The following RARB variants were observed in gnomAD, a reference collection of about 807,000 sequenced individuals.
The protein encoded by RARB is retinoic acid receptor beta.
Under a neutral mutation model 51.9 loss-of-function variants are expected in RARB, and 17 were observed. The observed-to-expected ratio is 0.33, with a 90% CI of 0.22 to 0.49. The LOEUF is 0.49. RARB is among the 20% of genes least tolerant of loss of function. The probability of loss-of-function intolerance (pLI) is 0.99; values close to 1 mark genes in which losing one functional copy is unlikely to be tolerated. For synonymous variants in RARB, 215 were observed against 195.4 expected, an observed-to-expected ratio of 1.10 and a Z score of -0.84; for missense variants, 369 against 550.8, an observed-to-expected ratio of 0.67 and a Z score of 3.30.
intron 2 of RARB, among the ~76,000 whole-genome samples, chr3:25,477,654 T>G (rs1213966803): frequency 6.6e-6 from 1 of 152,222 alleles, no homozygotes; most frequent in Non-Finnish European, 1.5e-5. Flanking sequence ...TGGAATCCCT[T>G]CTCCCTTAGG....
intron 5 of RARB, among the ~76,000 whole-genome samples, chr3:25,191,865 A>G (rs1347198781): frequency 6.6e-6 from 1 of 152,164 alleles, no homozygotes; most frequent in Non-Finnish European, 1.5e-5. Flanking sequence ...CTGATTACAT[A>G]GTCAAGGAAT....
intron 2 of RARB, among the ~76,000 whole-genome samples, chr3:25,479,409 A>C (rs543297611): frequency 6.6e-6 from 1 of 152,204 alleles, no homozygotes; most frequent in Non-Finnish European, 1.5e-5. Context: ...GTCTCTGACC[A>C]TGAATTTTAT....
intron 2 of RARB, among the ~76,000 whole-genome samples, chr3:24,988,809 TTTG>T (rs1480806148): frequency 6.6e-6 from 1 of 152,070 alleles, no homozygotes; most frequent in Non-Finnish European, 1.5e-5. Context: ...CCACTTATTA[TTTG>T]TTATTATTTT....
intron 4 of RARB, among the ~76,000 whole-genome samples, chr3:25,139,435 A>C (rs192001048): frequency 2.2e-3 from 340 of 152,316 alleles, no homozygotes; most frequent in Non-Finnish European, 3.5e-3. Flanking sequence ...AGTGGTGTGG[A>C]TAGAAGATCA....
chr3:25,511,217 C>T (rs1363803111), intron 3 of RARB, among the ~76,000 whole-genome samples: 1 of 152,082 alleles, frequency 6.6e-6, no homozygotes, highest in Non-Finnish European at 1.5e-5. Flanking sequence ...ACTGCAAGCT[C>T]CGCCTCCTGG....
At chr3:25,117,975 T>A (rs1273573010) in intron 3 of RARB, among the ~76,000 whole-genome samples, 2 of 152,148 alleles carry the variant, frequency 1.3e-5, no homozygotes. Flanking sequence ...CACTGAAGTC[T>A]TATCTCCTTT....
At position 25,477,684 on chromosome 3, in the gene RARB, C is replaced by T; in HGVS notation, c.306+16343C>T. ...CTTAGGGTTTAACTTCTAGAATAAG[C>T]ATATGAGGTAAATATTGTATATGGT... On this transcript the variant is annotated intron_variant, in intron 2 of 7. Coordinates refer to ENST00000330688, the MANE Select transcript of RARB (RefSeq NM_000965.5). 1.3e-5 allele frequency among the ~76,000 whole-genome samples: 2 copies of T among 152,132 alleles called. 1 individual carries two copies. The highest frequency in any genetic ancestry group is 2.9e-5 in the Non-Finnish European group (2 of 68,022).
chr3:24,829,355 C>T (rs1050651386), exon 1 of RARB, among the ~76,000 whole-genome samples: 3 of 151,960 alleles, frequency 2.0e-5, no homozygotes, highest in African/African-American at 4.8e-5. Flanking sequence ...GGGCTGAGGG[C>T]ACAGCCAGCG....
intron 5 of RARB, among the ~76,000 whole-genome samples, chr3:25,381,852 C>G (rs548144869): frequency 1.3e-5 from 2 of 152,268 alleles, no homozygotes; most frequent in East Asian, 3.9e-4. Context: ...TCAAGTGATT[C>G]TGATGATGCT....
intron 3 of RARB, among the ~76,000 whole-genome samples, chr3:25,521,345 G>T (rs756142789): frequency 1.3e-5 from 2 of 152,104 alleles, no homozygotes; most frequent in Non-Finnish European, 2.9e-5. Flanking sequence ...AAAACCGGGG[G>T]TGCCGCAAGC....
intron 3 of RARB, among the ~76,000 whole-genome samples, chr3:25,531,802 C>T (rs2125644483): frequency 6.6e-6 from 1 of 151,048 alleles, no homozygotes; most frequent in East Asian, 1.9e-4. Flanking sequence ...TCTTTTCTGC[C>T]AGGTAGGAAT....
At chr3:24,938,927 A>G (rs1287124232) in intron 2 of RARB, among the ~76,000 whole-genome samples, 2 of 151,594 alleles carry the variant, frequency 1.3e-5, no homozygotes, top group Admixed American at 1.3e-4. Flanking sequence ...ATAATATGCC[A>G]TTTTTCACAT....
At chr3:25,456,682 T>TAGAGAGAGAGAG (rs201238732) in intron 1 of RARB, among the ~76,000 whole-genome samples, 1 of 88,362 alleles carries the variant, frequency 1.1e-5, no homozygotes, top group Non-Finnish European at 2.1e-5. Flanking sequence ...TATATATATA[T>TAGAGAGAGAGAG]AGAGAGAGAG....
intron 5 of RARB, among the ~76,000 whole-genome samples, chr3:25,334,575 T>G (rs1705006167): frequency 6.6e-6 from 1 of 152,122 alleles, no homozygotes; most frequent in African/African-American, 2.4e-5. Context: ...ATATACCTAA[T>G]GTAAATGACA....
intron 2 of RARB, chr3:25,025,028 A>G (rs1384554334): frequency 1.3e-5 from 2 of 151,548 alleles, no homozygotes; most frequent in Non-Finnish European, 2.9e-5. Context: ...CACCCTGAAC[A>G]CTCTCAATCT....
At chr3:25,246,727 C>A (rs1426894168) in intron 5 of RARB, among the ~76,000 whole-genome samples, 2 of 152,104 alleles carry the variant, frequency 1.3e-5, no homozygotes, top group African/African-American at 4.8e-5. Context: ...CAGATGCCCA[C>A]TAGAGCTCTC....
chr3:24,938,331 T>C (rs1334167453), intron 2 of RARB, among the ~76,000 whole-genome samples: 1 of 152,186 alleles, frequency 6.6e-6, no homozygotes, highest in Non-Finnish European at 1.5e-5. Flanking sequence ...CTGTAGTTTG[T>C]TAGAGAACCG....
chr3:25,174,998 C>G (rs780549053), intron 5 of RARB, among the ~76,000 whole-genome samples: 1 of 152,114 alleles, frequency 6.6e-6, no homozygotes, highest in Non-Finnish European at 1.5e-5. Flanking sequence ...TACTTGTTTC[C>G]TGTGTACAAA....
At chr3:24,999,513 C>G (rs1325460537) in intron 2 of RARB, among the ~76,000 whole-genome samples, 1 of 152,114 alleles carries the variant, frequency 6.6e-6, no homozygotes, top group Non-Finnish European at 1.5e-5. Flanking sequence ...CCAATACATA[C>G]TTTTGTACAT....
Sources: gnomAD v4.1 joint callset for allele counts (sites outside exome capture counted in the v4.1 genomes callset) on GRCh38, gnomAD v4.1.1 for gene constraint, MANE v1.5 for transcripts, NCBI Gene and HGNC (gene_info 2026-07-23, HGNC 2026-07-21) for gene names.